Variants in SRGAP3 observed in about 807,000 individuals in gnomAD.
SRGAP3 encodes the protein SLIT-ROBO Rho GTPase activating protein 3.
SRGAP3 carries 39 observed loss-of-function variants against 121.1 expected under a neutral mutation model. That is an observed-to-expected ratio of 0.32 (90% CI 0.25 to 0.42). The LOEUF (loss-of-function observed/expected upper bound fraction) is 0.42, where lower values mean the gene tolerates loss of function less well. SRGAP3 is among the 10% of genes least tolerant of loss of function. The pLI, the probability that SRGAP3 is intolerant of heterozygous loss-of-function variation, is 1.00. For synonymous variants in SRGAP3, 601 were observed against 570.0 expected (o/e 1.05, Z -0.77); for missense variants, 1,213 against 1,470.6 (o/e 0.82, Z 2.86).
intron 1 of SRGAP3, among the ~76,000 whole-genome samples, chr3:9,136,410 ACCGCCCCGCC>A (rs1234602738): frequency 8.5e-5 from 6 of 70,788 alleles, no homozygotes; most frequent in African/African-American, 2.5e-4. Flanking sequence ...CCCCCCCCCG[ACCGCCCCGCC>A]CCGCCCCGCG....
chr3:9,023,285 G>A (rs1327300783), intron 14 of SRGAP3, among the ~76,000 whole-genome samples: 2 of 152,234 alleles, frequency 1.3e-5, no homozygotes, highest in African/African-American at 4.8e-5. Context: ...CAGCAGGGAT[G>A]TAAGGAGCTG....
chr3:9,353,534 T>G (rs1402886612), intron 1 of SRGAP3, among the ~76,000 whole-genome samples: 1 of 152,238 alleles, frequency 6.6e-6, no homozygotes, highest in Non-Finnish European at 1.5e-5. Context: ...GTGATGGCAC[T>G]AAGTCCACCA....
rs368594660 is a variant in SRGAP3 at position 9,072,829 on chromosome 3, T to C, written c.486+7196A>G. Among the ~76,000 whole-genome samples, 11 of 152,284 alleles carry C rather than the reference T, an allele frequency of 7.2e-5. No individual in the cohort carries two copies. The East Asian group carries it at 1.4e-3, about 19-fold the overall frequency. The stretch of plus-strand genomic sequence containing the variant: ...TAGTAACACAGCAACCGAGGTGACA[T>C]AGGGCTGGAGGAAGAGTCAGGAGAT... On this transcript the variant is annotated intron_variant, in intron 4 of 21. Coordinates refer to ENST00000383836, the MANE Select transcript of SRGAP3 (RefSeq NM_014850.4).
intron 1 of SRGAP3, among the ~76,000 whole-genome samples, chr3:9,133,173 C>T (rs1949522433): frequency 6.6e-6 from 1 of 151,826 alleles, no homozygotes; most frequent in Non-Finnish European, 1.5e-5. Flanking sequence ...TGTACCTTAT[C>T]TTTTTCTTTT....
intron 14 of SRGAP3, among the ~76,000 whole-genome samples, chr3:9,019,717 C>T (rs73142117): frequency 0.02 from 3,013 of 152,326 alleles, 94 homozygotes; most frequent in African/African-American, 0.069. Context: ...AATTAGAGAA[C>T]GGTCCCCCTG....
intron 3 of SRGAP3, among the ~76,000 whole-genome samples, chr3:9,278,399 T>C (rs1318989035): frequency 1.3e-5 from 2 of 152,126 alleles, no homozygotes; most frequent in Non-Finnish European, 2.9e-5. Flanking sequence ...AAGTCAACCT[T>C]GAAGCAGAGA....
intron 1 of SRGAP3, among the ~76,000 whole-genome samples, chr3:9,247,456 G>T (rs971988553): frequency 2.6e-5 from 4 of 152,120 alleles, no homozygotes; most frequent in Non-Finnish European, 4.4e-5. Context: ...AAGGCAAAAA[G>T]ACTGTTGGTG....
At chr3:9,347,258 C>T (rs184150953) in intron 1 of SRGAP3, among the ~76,000 whole-genome samples, 108 of 152,248 alleles carry the variant, frequency 7.1e-4, no homozygotes, top group Admixed American at 1.2e-3. Flanking sequence ...CTCAATCTTT[C>T]GGATTTAGGC....
At chr3:9,200,061 G>A (rs995983022) in intron 1 of SRGAP3, among the ~76,000 whole-genome samples, 4 of 152,244 alleles carry the variant, frequency 2.6e-5, no homozygotes, top group Non-Finnish European at 5.9e-5. Flanking sequence ...TTGATTAAAG[G>A]AGAGGCTGAC....
At chr3:9,360,573 G>A (rs368692870) in intron 1 of SRGAP3, among the ~76,000 whole-genome samples, 9 of 152,336 alleles carry the variant, frequency 5.9e-5, no homozygotes, top group African/African-American at 2.2e-4. Context: ...GCAAAAGAAA[G>A]AGGTTTAATG....
chr3:9,223,017 G>A (rs536777777), intron 1 of SRGAP3, among the ~76,000 whole-genome samples: 5 of 152,264 alleles, frequency 3.3e-5, no homozygotes, highest in Non-Finnish European at 7.3e-5. Context: ...GCTAGGGGCT[G>A]AGAGTGCAGT....
At chr3:9,266,886 T>A (rs1449218942) in intron 3 of SRGAP3, among the ~76,000 whole-genome samples, 1 of 152,202 alleles carries the variant, frequency 6.6e-6, no homozygotes, top group Non-Finnish European at 1.5e-5. Context: ...GCTTGGCCTA[T>A]AAATCCATGT....
intron 3 of SRGAP3, among the ~76,000 whole-genome samples, chr3:9,315,495 A>T (rs1441379904): frequency 6.6e-6 from 1 of 152,198 alleles, no homozygotes; most frequent in African/African-American, 2.4e-5. Context: ...AGACAAGGAG[A>T]AAACACAAAT....
intron 18 of SRGAP3, chr3:9,007,839 C>G (rs1440513546): frequency 2.0e-5 from 3 of 152,198 alleles, no homozygotes; most frequent in Non-Finnish European, 4.4e-5. Context: ...TTTCTGAGCA[C>G]AGTGACCCCT....
chr3:9,086,595 A>C (rs13067708), intron 3 of SRGAP3, among the ~76,000 whole-genome samples: 1 of 150,298 alleles, frequency 6.7e-6, no homozygotes, highest in Non-Finnish European at 1.5e-5. Context: ...GTGTATATAT[A>C]TAGGTACACA....
chr3:9,304,200 C>T (rs1955117858), intron 3 of SRGAP3, among the ~76,000 whole-genome samples: 2 of 152,190 alleles, frequency 1.3e-5, no homozygotes, highest in Admixed American at 1.3e-4. Context: ...TCCTAATCAC[C>T]TGCATAACCC....
intron 1 of SRGAP3, among the ~76,000 whole-genome samples, chr3:9,232,464 TC>T (rs1195184467): frequency 9.9e-5 from 15 of 152,124 alleles, no homozygotes; most frequent in Non-Finnish European, 5.9e-5. Flanking sequence ...AACCAAAGAC[TC>T]TTTTTATACA....
chr3:9,015,407 G>A (rs965072008), intron 15 of SRGAP3, among the ~76,000 whole-genome samples, 190 bp downstream of exon 15: 2 of 152,162 alleles, frequency 1.3e-5, no homozygotes, highest in Admixed American at 6.5e-5. Flanking sequence ...TACCCAGGGG[G>A]TGTGACATGC....
chr3:9,068,424 A>T (rs1946529601), intron 4 of SRGAP3, among the ~76,000 whole-genome samples: 1 of 152,046 alleles, frequency 6.6e-6, no homozygotes, highest in South Asian at 2.1e-4. Context: ...GACAGGCCAA[A>T]CTTCCCAGAC....
Sources: allele counts gnomAD v4.1 joint callset (sites outside exome capture counted in the v4.1 genomes callset), GRCh38; gene constraint gnomAD v4.1.1; transcripts MANE v1.5; gene names NCBI Gene and HGNC (gene_info 2026-07-23, HGNC 2026-07-21).